USP3: variants seen among roughly 807,000 people sequenced by gnomAD.
The protein encoded by USP3 is ubiquitin specific peptidase 3.
USP3 carries 20 observed loss-of-function variants against 72.3 expected under a neutral mutation model. That is an observed-to-expected ratio of 0.28 (90% CI 0.19 to 0.40). USP3 has a LOEUF of 0.40. Ranked by LOEUF, USP3 falls within the 10% of genes least tolerant of loss-of-function variation. The pLI, the probability that USP3 is intolerant of heterozygous loss-of-function variation, is 1.00. For synonymous variants in USP3, 222 were observed against 225.3 expected (o/e 0.99, Z 0.13); for missense variants, 479 against 633.9 (o/e 0.76, Z 2.62).
In USP3 at chr15:63,559,986, A is replaced by G. The variant is rs762289189; in HGVS notation, c.647+16A>G. 1 of 1,603,914 alleles carries G rather than the reference A, an allele frequency of 6.2e-7. No homozygotes were observed. On this transcript the variant is annotated intron_variant, in intron 7 of 14. Transcript: ENST00000380324. ...ATAACAATGTGTGAGTTATAAGAGT[A>G]TGTCCTTTCTGGCTTTGAGTTACAA...
rs1291726811 is a variant in USP3 at position 63,593,669 on chromosome 15, T to C, written c.*2843T>C. The C allele has an allele frequency of 6.6e-6, 1 of 152,264 alleles. No homozygotes were observed. The highest frequency in any genetic ancestry group is 1.5e-5 in the Non-Finnish European group (1 of 68,046). The allele number at this position is 152,264 out of a possible 1,614,324, so 9.4% of individuals were successfully genotyped here. On this transcript the variant is annotated 3_prime_UTR_variant, in exon 15 of 15. Coordinates refer to ENST00000380324, the MANE Select transcript of USP3 (RefSeq NM_006537.4). ...TTCTTTAGAAAAGTGATTGGATCCA[T>C]CTCAATTGTGCACTTGAACAGCAGT...
chr15:63,579,591 A>G (rs2066919523), intron 11 of USP3, among the ~76,000 whole-genome samples: 1 of 152,226 alleles, frequency 6.6e-6, no homozygotes, highest in African/African-American at 2.4e-5. Context: ...AATGTGAAAC[A>G]TAAAACCACA....
Position 63,594,321 on chromosome 15 carries a change from G to A in USP3, c.*3495G>A, listed in dbSNP as rs970825351. 1.3e-5 allele frequency: 2 copies of A among 152,252 alleles called. No individual in the cohort carries two copies. The highest frequency in any genetic ancestry group is 2.9e-5 in the Non-Finnish European group (2 of 68,088). The allele number at this position is 152,252 out of a possible 1,614,324, so 9.4% of individuals were successfully genotyped here. A position where few individuals can be genotyped will look rare whatever the true frequency, so the allele number is the denominator to read the frequency against. ...TGCAGCCAAGGCCTGGGTCCCAGGT[G>A]ACTAGGAGTAGCCATAGGAAGGTGA... On this transcript the variant is annotated 3_prime_UTR_variant, in exon 15 of 15. Transcript: ENST00000380324.
intron 3 of USP3, among the ~76,000 whole-genome samples, chr15:63,548,470 C>T (rs994200844): frequency 2.0e-5 from 3 of 152,004 alleles, no homozygotes; most frequent in African/African-American, 7.2e-5. Flanking sequence ...GGATTACAGG[C>T]ACACGCTACA....
At chr15:63,531,319 A>G (rs182999712) in intron 1 of USP3, among the ~76,000 whole-genome samples, 15 of 152,320 alleles carry the variant, frequency 9.8e-5, no homozygotes, top group African/African-American at 2.9e-4. Context: ...GACAGTGAAG[A>G]AAAAAACATT....
In USP3 at chr15:63,578,464, T is replaced by C. The variant is rs558475414; in HGVS notation, c.1096+4061T>C. Among the ~76,000 whole-genome samples the C allele has an allele frequency of 1.1e-3, 164 of 149,896 alleles. 1 individual carries two copies. Among genetic ancestry groups the C allele is most frequent in the African/African-American group, 4.0e-3 (162 of 40,720 alleles). ...CTAAAAATACAAAAAAAAAAAAAAT[T>C]AGCTGGGCATGGTGGCAGGCATCTG... On this transcript the variant is annotated intron_variant, in intron 11 of 14. Transcript: ENST00000380324.
intron 4 of USP3, among the ~76,000 whole-genome samples, chr15:63,555,020 G>T (rs1215038233): frequency 6.6e-6 from 1 of 152,170 alleles, no homozygotes; most frequent in Non-Finnish European, 1.5e-5. Context: ...GTGTGGTGAT[G>T]TCCTTCACCC....
rs2067113181 is a variant in USP3 at position 63,588,151 on chromosome 15, A to AT, written c.1097-148dup. 5.5e-6 allele frequency: 3 copies of AT among 547,830 alleles called. No individual in the cohort carries two copies. Among genetic ancestry groups the AT allele is most frequent in the Non-Finnish European group, 9.5e-6 (3 of 315,050 alleles). The allele number at this position is 547,830 out of a possible 1,614,324, so 33.9% of individuals were successfully genotyped here. ...ATAATAGTTCTTCAAAGTAGGTATTATTTTTTGTCTCCAGTTTGCAATTGA... is the reference window on the plus strand; with the variant it reads ...ATAATAGTTCTTCAAAGTAGGTATTATTTTTTTGTCTCCAGTTTGCAATTGA... On this transcript the variant is annotated intron_variant, in intron 11 of 14. Transcript: ENST00000380324. The surrounding 1 kb of genome is among the most constrained non-coding windows in gnomAD (Gnocchi z 4.6).
In USP3 at chr15:63,553,449, AG is replaced by A. The variant is rs2066464207; in HGVS notation, c.285-265del. 1 of 281,058 alleles carries A rather than the reference AG, an allele frequency of 3.6e-6. No individual in the cohort carries two copies. 17.4% of individuals were successfully genotyped at this position (281,058 alleles called of 1,614,324 possible). A position where few individuals can be genotyped will look rare whatever the true frequency, so the allele number is the denominator to read the frequency against. ...CTAAAAAGAATGTAACACATGTAGC[AG>A]CTTATTTCATTTTCAAAGGAGGAAT... On this transcript the variant is annotated intron_variant, in intron 3 of 14. Transcript: ENST00000380324. The surrounding 1 kb of genome is among the most constrained non-coding windows in gnomAD (Gnocchi z 4.2).
At chr15:63,510,575 T>A (rs1005627064) in intron 1 of USP3, among the ~76,000 whole-genome samples, 2 of 152,222 alleles carry the variant, frequency 1.3e-5, no homozygotes, top group Non-Finnish European at 2.9e-5. Flanking sequence ...ATTCATTGCC[T>A]CTTTAGACAG....
intron 8 of USP3, among the ~76,000 whole-genome samples, chr15:63,568,485 G>C (rs1595757769): frequency 6.6e-6 from 1 of 152,196 alleles, no homozygotes; most frequent in East Asian, 1.9e-4. Context: ...AGCTGTTTGG[G>C]TGACATTGCT....
At chr15:63,559,633 GT>G (rs1188786561) in intron 6 of USP3, among the ~76,000 whole-genome samples, 1 of 152,084 alleles carries the variant, frequency 6.6e-6, no homozygotes, top group African/African-American at 2.4e-5. Context: ...TCAGCTCTTT[GT>G]TTTTTGTTTT....
At chr15:63,564,127 C>T (rs2066649983) in intron 8 of USP3, among the ~76,000 whole-genome samples, 1 of 152,146 alleles carries the variant, frequency 6.6e-6, no homozygotes, top group Non-Finnish European at 1.5e-5. Flanking sequence ...CTAGTAGACT[C>T]TTGATAGAAG....
intron 8 of USP3, among the ~76,000 whole-genome samples, chr15:63,564,777 C>G (rs981094288): frequency 6.6e-6 from 1 of 152,188 alleles, no homozygotes; most frequent in Non-Finnish European, 1.5e-5. Flanking sequence ...CTTTTGTATT[C>G]TTAGCTGGGC....
chr15:63,588,180 A>G lies in USP3; in HGVS notation c.1097-125A>G, dbSNP rs1177322876. The G allele has an allele frequency of 1.1e-5, 7 of 652,872 alleles. No individual in the cohort carries two copies. The Admixed American group carries it at 2.0e-4, about 18-fold the overall frequency. The allele number at this position is 652,872 out of a possible 1,614,324, so 40.4% of individuals were successfully genotyped here. ...TTTGTCTCCAGTTTGCAATTGAGAA[A>G]GGTTAACTTTTCTAAGGTCGTATAG... On this transcript the variant is annotated intron_variant, in intron 11 of 14. Coordinates refer to ENST00000380324, the MANE Select transcript of USP3 (RefSeq NM_006537.4). This position sits in a 1 kb window ranked among gnomAD's most constrained non-coding sequence, Gnocchi z 4.6.
At position 63,574,579 on chromosome 15, in the gene USP3, G is replaced by A. The variant is rs73444658; in HGVS notation, c.1096+176G>A. Among the ~76,000 whole-genome samples the A allele has an allele frequency of 0.012, 1,903 of 152,248 alleles. 34 individuals are homozygous for A. Among genetic ancestry groups the A allele is most frequent in the African/African-American group, 0.04 (1,674 of 41,562 alleles). On this transcript the variant is annotated intron_variant, in intron 11 of 14. Transcript: ENST00000380324. The surrounding 1 kb of genome is among the most constrained non-coding windows in gnomAD (Gnocchi z 4.6). ...CCCCAAAATGTTATTGAATAAGAAT[G>A]TGTGCCATAAGATATTGTGTGAAGC...
intron 11 of USP3, among the ~76,000 whole-genome samples, chr15:63,577,928 CAAAAAA>C (rs60885501): frequency 8.2e-6 from 1 of 122,674 alleles, no homozygotes. Context: ...GACCCTGCCT[CAAAAAA>C]AAAAAAAAAA....
rs527520835 is a variant in USP3 at position 63,578,613 on chromosome 15, GAAA to G, written c.1096+4223_1096+4225del. Among the ~76,000 whole-genome samples, 5 of 85,568 alleles carry G rather than the reference GAAA, an allele frequency of 5.8e-5. No individual in the cohort carries two copies. In the South Asian group the frequency reaches 1.4e-3, roughly 24 times the overall value. The allele number at this position is 85,568 out of a possible 152,430, so 56.1% of individuals were successfully genotyped here. A position where few individuals can be genotyped will look rare whatever the true frequency, so the allele number is the denominator to read the frequency against. ...GGCGACAGAGCAAGACTCCGTCTCA[GAAA>G]AAAAAAAAAAAAGAAGAAAAAAAAA... On this transcript the variant is annotated intron_variant, in intron 11 of 14. Coordinates refer to ENST00000380324, the MANE Select transcript of USP3 (RefSeq NM_006537.4).
chr15:63,520,374 C>G (rs1291839435), intron 1 of USP3, among the ~76,000 whole-genome samples: 1 of 152,098 alleles, frequency 6.6e-6, no homozygotes, highest in East Asian at 1.9e-4. Context: ...CTAACCCATA[C>G]CATTGTAAAG....
Sources: allele counts gnomAD v4.1 joint callset (sites outside exome capture counted in the v4.1 genomes callset), GRCh38; gene constraint gnomAD v4.1.1; non-coding constraint Gnocchi (gnomAD v3.1); transcripts MANE v1.5; gene names NCBI Gene and HGNC (gene_info 2026-07-23, HGNC 2026-07-21).